TRPM2: variants seen among roughly 807,000 people sequenced by gnomAD.
TRPM2 encodes transient receptor potential cation channel subfamily M member 2, also known as estrogen-responsive element-associated gene 1 protein.
TRPM2 carries 161 observed loss-of-function variants against 174.0 expected under a neutral mutation model. That is an observed-to-expected ratio of 0.93 (90% CI 0.81 to 1.05). The LOEUF (loss-of-function observed/expected upper bound fraction) is 1.05, where lower values mean the gene tolerates loss of function less well. Ranked by LOEUF, TRPM2 falls within the 50% of genes least tolerant of loss-of-function variation. The pLI, the probability that TRPM2 is intolerant of heterozygous loss-of-function variation, is 0.00. For synonymous variants in TRPM2, 954 were observed against 861.3 expected (o/e 1.11, Z -1.88); for missense variants, 2,057 against 2,038.0 (o/e 1.01, Z -0.18).
chr21:44,409,389 A>AC (rs2050012615), intron 19 of TRPM2, among the ~76,000 whole-genome samples: 1 of 152,172 alleles, frequency 6.6e-6, no homozygotes, highest in South Asian at 2.1e-4. Flanking sequence ...AAATCAGTGG[A>AC]CCATTAACAT....
chr21:44,391,001 C>T lies in TRPM2; in HGVS notation c.1416C>T (p.Ile472=). 6.2e-7 allele frequency: 1 copy of T among 1,614,076 alleles called. No homozygotes were observed. The highest frequency in any genetic ancestry group is 8.5e-7 in the Non-Finnish European group (1 of 1,180,032). Residue 472 remains isoleucine (I), a synonymous_variant, in exon 10 of 32, where the codon ATC becomes ATT. Coordinates refer to ENST00000397928, the MANE Select transcript of TRPM2 (RefSeq NM_003307.4). This position sits in a 1 kb window ranked among gnomAD's most constrained non-coding sequence, Gnocchi z 5.0. ...WNRVDIARSE[I]FMDEWQWKPS... is the part of the protein sequence containing the mutation. ...GCGTGGACATTGCCCGCAGTGAGAT[C>T]TTCATGGATGAGTGGCAGTGGAAGG...
intron 15 of TRPM2, among the ~76,000 whole-genome samples, chr21:44,401,156 C>T (rs116459953): frequency 1.2e-4 from 19 of 152,280 alleles, no homozygotes; most frequent in African/African-American, 4.6e-4. Context: ...ATGGCAGAGC[C>T]GTGTCACTGA....
upstream of TRPM2, among the ~76,000 whole-genome samples, chr21:44,352,026 GT>G (rs2047934095): frequency 6.6e-6 from 1 of 152,212 alleles, no homozygotes; most frequent in African/African-American, 2.4e-5. Flanking sequence ...CCCGTGCAGG[GT>G]GGACCGCCTG....
At chr21:44,381,952 G>GGATA (rs71197895) in intron 8 of TRPM2, among the ~76,000 whole-genome samples, 3,395 of 143,522 alleles carry the variant, frequency 0.024, 61 homozygotes, top group African/African-American at 0.046. Flanking sequence ...ATAGATAGAT[G>GGATA]GATAGATAGA....
intron 11 of TRPM2, among the ~76,000 whole-genome samples, chr21:44,394,361 C>T (rs1356292785): frequency 4.1e-5 from 6 of 145,392 alleles, no homozygotes; most frequent in Non-Finnish European, 9.0e-5. Context: ...GCTCTGCTGC[C>T]CAGGCTGGAG....
At position 44,418,372 on chromosome 21, in the gene TRPM2, C is replaced by T. The variant is rs781460811; in HGVS notation, c.3329-51C>T. 5 of 1,597,054 alleles carry T rather than the reference C, an allele frequency of 3.1e-6. No homozygotes were observed. In the Admixed American group the frequency reaches 8.5e-5, roughly 27 times the overall value. On this transcript the variant is annotated intron_variant, in intron 21 of 31. Coordinates refer to ENST00000397928, the MANE Select transcript of TRPM2 (RefSeq NM_003307.4). ...CCCCCGGTGGGTCAGGGCTTCAGGG[C>T]CCACCTCCTGAGGATTCCAGGTCCC...
At chr21:44,423,781 G>C in intron 23 of TRPM2, 49 bp downstream of exon 23, 4 of 1,481,292 alleles carry the variant, frequency 2.7e-6, no homozygotes, top group Non-Finnish European at 3.7e-6. Flanking sequence ...TGCTGGGCCT[G>C]GTGGGCGGCT....
In TRPM2 at chr21:44,390,313, G is replaced by A. The variant is rs550918809; in HGVS notation, c.1319-591G>A. 1.4e-4 allele frequency among the ~76,000 whole-genome samples: 21 copies of A among 152,262 alleles called. No homozygotes were observed. In the South Asian group the frequency reaches 2.3e-3, roughly 17 times the overall value. ...GCCTTTATGTTTGGGCCTAAGAACC[G>A]CTCCATGTTGATTCTTGTGTATGGT... is the stretch of plus-strand genomic sequence containing the variant. On this transcript the variant is annotated intron_variant, in intron 9 of 31. Coordinates refer to ENST00000397928, the MANE Select transcript of TRPM2 (RefSeq NM_003307.4).
At chr21:44,394,824 A>G (rs1288666145) in intron 11 of TRPM2, among the ~76,000 whole-genome samples, 1 of 152,210 alleles carries the variant, frequency 6.6e-6, no homozygotes, top group Non-Finnish European at 1.5e-5. Flanking sequence ...TGTTTTGTAC[A>G]GTATGTGATG....
At chr21:44,413,034 C>G (rs1031202019) in intron 19 of TRPM2, among the ~76,000 whole-genome samples, 1 of 151,956 alleles carries the variant, frequency 6.6e-6, no homozygotes, top group African/African-American at 2.4e-5. Context: ...ACTATGTTTC[C>G]TTAGAGATTT....
intron 29 of TRPM2, 28 bp downstream of exon 29, chr21:44,437,195 T>G (rs1489705310): frequency 6.5e-7 from 1 of 1,533,678 alleles, no homozygotes; most frequent in Non-Finnish European, 8.8e-7. Context: ...GGGACCTCTG[T>G]CCACTGGGCT....
intron 24 of TRPM2, chr21:44,425,449 G>C (rs541109226): frequency 5.2e-5 from 25 of 478,800 alleles, no homozygotes; most frequent in African/African-American, 3.9e-4. Context: ...TGCACAAAGA[G>C]GCAGGTGCCG....
At chr21:44,395,363 A>G (rs747144533) in intron 11 of TRPM2, 51 bp from the exon 12 acceptor site, 1 of 1,595,934 alleles carries the variant, frequency 6.3e-7, no homozygotes, top group Non-Finnish European at 8.5e-7. Context: ...TCCGCCAGTG[A>G]CTCTGAGCCA....
intron 21 of TRPM2, 80 bp from the exon 22 acceptor site, chr21:44,418,343 G>C (rs2050388830): frequency 6.4e-7 from 1 of 1,567,408 alleles, no homozygotes; most frequent in Admixed American, 1.8e-5. Context: ...CCTCCCACGG[G>C]GCCCCCCCGG....
intron 2 of TRPM2, among the ~76,000 whole-genome samples, chr21:44,358,117 C>G (rs143931853): frequency 1.3e-5 from 2 of 152,216 alleles, no homozygotes; most frequent in Non-Finnish European, 2.9e-5. Flanking sequence ...TGGAGCCCCT[C>G]GACACCCGCC....
Position 44,367,176 on chromosome 21 carries a change from G to A in TRPM2, c.604+242G>A, listed in dbSNP as rs1376330655. Among the ~76,000 whole-genome samples the A allele has an allele frequency of 6.6e-6, 1 of 152,038 alleles. No homozygotes were observed. Among genetic ancestry groups the A allele is most frequent in the African/African-American group, 2.4e-5 (1 of 41,392 alleles). The stretch of plus-strand genomic sequence containing the variant: ...AGTGCATGGCCCTGCTGGTGCCCAG[G>A]GCCAAGCAGAGATGAGAACCTTGGT... On this transcript the variant is annotated intron_variant, in intron 4 of 31. Transcript: ENST00000397928. The surrounding 1 kb of genome is among the most constrained non-coding windows in gnomAD (Gnocchi z 4.6).
chr21:44,386,852 C>T (rs890417185), intron 9 of TRPM2, among the ~76,000 whole-genome samples: 2 of 152,060 alleles, frequency 1.3e-5, no homozygotes, highest in Admixed American at 6.5e-5. Context: ...TCTAAACTCA[C>T]TACAAAGCTA....
rs369327546 is a variant in TRPM2 at position 44,426,139 on chromosome 21, A to G, written c.3795+312A>G. Among the ~76,000 whole-genome samples, 1,055 of 124,030 alleles carry G rather than the reference A, an allele frequency of 8.5e-3. 7 individuals carry two copies. The highest frequency in any genetic ancestry group is 0.02 in the South Asian group (77 of 3,888). 81.4% of individuals were successfully genotyped at this position (124,030 alleles called of 152,430 possible). A position where few individuals can be genotyped will look rare whatever the true frequency, so the allele number is the denominator to read the frequency against. On this transcript the variant is annotated intron_variant, in intron 25 of 31. Coordinates refer to ENST00000397928, the MANE Select transcript of TRPM2 (RefSeq NM_003307.4). Reference sequence around the variant, plus strand: ...CCCCCCGGCCCCATTCCCCCAGGTCATGCCCTGGTCCTAGACCCCACCCAC... The same window carrying G: ...CCCCCCGGCCCCATTCCCCCAGGTCGTGCCCTGGTCCTAGACCCCACCCAC...
intron 16 of TRPM2, among the ~76,000 whole-genome samples, chr21:44,403,394 C>T (rs541252170): frequency 6.6e-6 from 1 of 152,282 alleles, no homozygotes; most frequent in Admixed American, 6.5e-5. Flanking sequence ...ACAGTGTGGC[C>T]CCTGACAGAA....
Sources: gnomAD v4.1 joint callset for allele counts (sites outside exome capture counted in the v4.1 genomes callset) on GRCh38, gnomAD v4.1.1 for gene constraint, Gnocchi (gnomAD v3.1) non-coding constraint, MANE v1.5 for transcripts, NCBI Gene and HGNC (gene_info 2026-07-23, HGNC 2026-07-21) for gene names.